The following PPARGC1B variants were observed in gnomAD, a reference collection of about 807,000 sequenced individuals.
PPARGC1B encodes the protein PPARG coactivator 1 beta.
In PPARGC1B, 34 loss-of-function variants were observed where a neutral mutation model predicts 101.6. The observed-to-expected ratio is 0.33, with a 90% CI of 0.25 to 0.45. The LOEUF (loss-of-function observed/expected upper bound fraction) is 0.45, where lower values mean the gene tolerates loss of function less well. Ranked by LOEUF, PPARGC1B falls within the 20% of genes least tolerant of loss-of-function variation. The pLI is 1.00. For missense variants in PPARGC1B, 1,234 were observed against 1,317.6 expected (o/e 0.94, Z 0.98); for synonymous variants, 548 against 539.3 (o/e 1.02, Z -0.22).
chr5:149,742,200 G>A (rs1754934800), intron 1 of PPARGC1B, among the ~76,000 whole-genome samples: 1 of 152,198 alleles, frequency 6.6e-6, no homozygotes, highest in Admixed American at 6.5e-5. Context: ...CCCAGAGTTT[G>A]TGGTGCTGGT....
chr5:149,857,728 C>T (rs1240129952), downstream of PPARGC1B, among the ~76,000 whole-genome samples: 1 of 152,222 alleles, frequency 6.6e-6, no homozygotes, highest in East Asian at 1.9e-4. Flanking sequence ...ACACTATGTT[C>T]TCTGTGATCC....
intron 2 of PPARGC1B, among the ~76,000 whole-genome samples, chr5:149,822,379 T>C (rs1758336307): frequency 6.6e-6 from 1 of 152,170 alleles, no homozygotes; most frequent in Non-Finnish European, 1.5e-5. Flanking sequence ...AGCTCTGCCC[T>C]CCCAGCCCCT....
At chr5:149,758,727 A>G (rs552780200) in intron 1 of PPARGC1B, among the ~76,000 whole-genome samples, 4 of 152,246 alleles carry the variant, frequency 2.6e-5, no homozygotes, top group African/African-American at 9.6e-5. Context: ...TCCAGGCTCC[A>G]TGGTGTCTTG....
chr5:149,810,339 G>A (rs1202877352), intron 1 of PPARGC1B, among the ~76,000 whole-genome samples: 1 of 152,168 alleles, frequency 6.6e-6, no homozygotes, highest in African/African-American at 2.4e-5. Flanking sequence ...TGGGCCTGGG[G>A]CAGGCTTGTA....
intron 1 of PPARGC1B, among the ~76,000 whole-genome samples, chr5:149,798,328 G>A (rs772253451): frequency 3.9e-5 from 6 of 152,154 alleles, no homozygotes; most frequent in Non-Finnish European, 7.3e-5. Flanking sequence ...TCTCTAACAC[G>A]CCCTTGTTTT....
chr5:149,750,453 A>AAAATATATATATATATATAT (rs1223165218), intron 1 of PPARGC1B, among the ~76,000 whole-genome samples: 2 of 123,240 alleles, frequency 1.6e-5, no homozygotes, highest in Non-Finnish European at 3.4e-5. Context: ...TTTTAGTTAA[A>AAAATATATATATATATATAT]ATATATATAT....
chr5:149,746,513 G>T (rs1755100526), intron 1 of PPARGC1B, among the ~76,000 whole-genome samples: 1 of 152,176 alleles, frequency 6.6e-6, no homozygotes, highest in Admixed American at 6.5e-5. Flanking sequence ...GTGAATACCT[G>T]GGTTGCTTTC....
intron 1 of PPARGC1B, among the ~76,000 whole-genome samples, chr5:149,749,982 C>T (rs1247962032): frequency 1.3e-5 from 2 of 152,150 alleles, no homozygotes; most frequent in Non-Finnish European, 2.9e-5. Flanking sequence ...ACAGTCTCAT[C>T]GCAGATGGTT....
intron 2 of PPARGC1B, 124 bp downstream of exon 2, chr5:149,820,730 A>C (rs1581094132): frequency 8.2e-6 from 7 of 855,240 alleles, no homozygotes; most frequent in Non-Finnish European, 8.4e-6. Context: ...TCACCCACCA[A>C]AGCTGTTGGG....
chr5:149,835,653 C>T (rs765597749), intron 7 of PPARGC1B, among the ~76,000 whole-genome samples: 5 of 152,228 alleles, frequency 3.3e-5, no homozygotes, highest in Admixed American at 6.5e-5. Context: ...GCCCCCTCTC[C>T]GTCATGGGAA....
chr5:149,730,417 G>T lies in PPARGC1B; in HGVS notation c.75G>T (p.Thr25=). Residue 25 remains threonine (T), a synonymous_variant, in exon 1 of 12, where the codon ACG becomes ACT. Transcript: ENST00000309241. This position sits in a 1 kb window ranked among gnomAD's most constrained non-coding sequence, Gnocchi z 4.0. The stretch of plus-strand genomic sequence containing the variant: ...TCTTCCTCAACTATCTCGCTGACAC[G>T]CAGGTACGGCCGGCTGGGGCTGCGG... ...SSFFLNYLAD[T]QGGGSGEEQL... The T allele has an allele frequency of 1.3e-6, 2 of 1,555,068 alleles. No individual in the cohort carries two copies. Among genetic ancestry groups the T allele is most frequent in the South Asian group, 2.4e-5 (2 of 83,278 alleles).
At position 149,832,856 on chromosome 5, in the gene PPARGC1B, A is replaced by G; in HGVS notation, c.783A>G (p.Pro261=). 2 of 1,610,538 alleles carry G rather than the reference A, an allele frequency of 1.2e-6. No individual in the cohort carries two copies. Among genetic ancestry groups the G allele is most frequent in the Non-Finnish European group, 1.7e-6 (2 of 1,178,002 alleles). The change falls in exon 5 of 12, where the codon CCA becomes CCG. Residue 261 remains proline, a synonymous_variant. Transcript: ENST00000309241. This position sits in a 1 kb window ranked among gnomAD's most constrained non-coding sequence, Gnocchi z 4.9. The stretch of plus-strand genomic sequence containing the variant: ...ACTGCCCGAGCCCCCAGCCAGCTCC[A>G]GCCTCTCCCCGGGACTCCCTAGCTC... ...GEDCPSPQPA[P]ASPRDSLALG...
At chr5:149,785,915 C>CTTTTTT (rs10622982) in intron 1 of PPARGC1B, among the ~76,000 whole-genome samples, 4 of 140,398 alleles carry the variant, frequency 2.8e-5, no homozygotes, top group African/African-American at 2.6e-5. Context: ...GACACTCATT[C>CTTTTTT]TTTTTTTTTT....
At chr5:149,772,127 C>T (rs1417314059) in intron 1 of PPARGC1B, 1 of 1,600,542 alleles carries the variant, frequency 6.2e-7, no homozygotes, top group Non-Finnish European at 8.5e-7. Context: ...GAGGAGCCGC[C>T]ACCAGAGCAA....
At chr5:149,805,269 G>T (rs974307003) in intron 1 of PPARGC1B, among the ~76,000 whole-genome samples, 8 of 152,306 alleles carry the variant, frequency 5.3e-5, no homozygotes, top group African/African-American at 1.9e-4. Flanking sequence ...TGGTTTCTTA[G>T]TCTGGGGTTT....
chr5:149,759,011 T>C (rs922772114), intron 1 of PPARGC1B, among the ~76,000 whole-genome samples: 2 of 152,212 alleles, frequency 1.3e-5, no homozygotes, highest in South Asian at 2.1e-4. Flanking sequence ...ACTGCAGATA[T>C]ACCCTTTCAA....
chr5:149,775,915 A>T (rs1756340654), intron 1 of PPARGC1B, among the ~76,000 whole-genome samples: 1 of 152,198 alleles, frequency 6.6e-6, no homozygotes, highest in Non-Finnish European at 1.5e-5. Flanking sequence ...TTGGATAGAA[A>T]TAAGTCCTTC....
chr5:149,786,180 C>G (rs1401846145), intron 1 of PPARGC1B, among the ~76,000 whole-genome samples: 2 of 152,074 alleles, frequency 1.3e-5, no homozygotes, highest in Non-Finnish European at 2.9e-5. Flanking sequence ...GCAACCTTCT[C>G]CTCCTGGGTT....
chr5:149,750,815 G>T (rs2113119343), intron 1 of PPARGC1B, among the ~76,000 whole-genome samples: 1 of 152,356 alleles, frequency 6.6e-6, no homozygotes, highest in East Asian at 1.9e-4. Flanking sequence ...GTGACCATGG[G>T]ACTGACCGGC....
Sources: gnomAD v4.1 joint callset for allele counts (sites outside exome capture counted in the v4.1 genomes callset) on GRCh38, gnomAD v4.1.1 for gene constraint, Gnocchi (gnomAD v3.1) non-coding constraint, MANE v1.5 for transcripts, NCBI Gene and HGNC (gene_info 2026-07-23, HGNC 2026-07-21) for gene names.